The following INPP5A variants were observed in gnomAD, a reference collection of about 807,000 sequenced individuals.
INPP5A encodes 43 kDa inositol polyphosphate 5-phophatase.
Under a neutral mutation model 65.2 loss-of-function variants are expected in INPP5A, and 14 were observed. The ratio of observed to expected loss-of-function variants is 0.21; its 90% CI spans 0.14 to 0.34. INPP5A has a LOEUF of 0.34. Among genes scored for constraint, INPP5A ranks in the 10% least tolerant of loss-of-function variants. The pLI is 1.00. For missense variants in INPP5A, 431 were observed against 545.6 expected, an observed-to-expected ratio of 0.79 and a Z score of 2.09; for synonymous variants, 207 against 208.3, an observed-to-expected ratio of 0.99 and a Z score of 0.05.
chr10:132,766,530 G>C (rs915979154), intron 12 of INPP5A, among the ~76,000 whole-genome samples: 2 of 152,208 alleles, frequency 1.3e-5, no homozygotes, highest in African/African-American at 4.8e-5. Flanking sequence ...GCAGATGTGC[G>C]TGGGGCGTGC....
intron 4 of INPP5A, among the ~76,000 whole-genome samples, chr10:132,673,945 G>A (rs118154023): frequency 0.015 from 2,253 of 152,348 alleles, 34 homozygotes; most frequent in South Asian, 0.039. Context: ...GCCTTGGTGA[G>A]CGGAAGCTCA....
Position 132,637,463 on chromosome 10 carries a change from G to A in INPP5A, c.118-8405G>A, listed in dbSNP as rs2072371157. ...TCCTGGGTTATAGTTTTAAATGTTA[G>A]GTGTTTCGGGTGTCCTTTGGGTCCC... is the stretch of plus-strand genomic sequence containing the variant. On this transcript the variant is annotated intron_variant, in intron 2 of 15. Transcript: ENST00000368594. The surrounding 1 kb of genome is among the most constrained non-coding windows in gnomAD (Gnocchi z 4.1). Among the ~76,000 whole-genome samples, 1 of 152,012 alleles carries A rather than the reference G, an allele frequency of 6.6e-6. No homozygotes were observed. The highest frequency in any genetic ancestry group is 1.5e-5 in the Non-Finnish European group (1 of 68,006).
chr10:132,685,735 C>T (rs919646547), intron 4 of INPP5A, among the ~76,000 whole-genome samples: 67 of 152,332 alleles, frequency 4.4e-4, no homozygotes, highest in South Asian at 2.1e-4. Flanking sequence ...TCAACAAACA[C>T]GGGCTTTGTG....
intron 1 of INPP5A, among the ~76,000 whole-genome samples, chr10:132,602,429 G>A (rs188057694): frequency 3.4e-4 from 51 of 152,204 alleles, no homozygotes; most frequent in African/African-American, 1.2e-3. Flanking sequence ...GAGTAGCTGG[G>A]ACCACAGGCA....
intron 1 of INPP5A, among the ~76,000 whole-genome samples, chr10:132,600,413 T>C (rs1363060058): frequency 6.6e-6 from 1 of 152,220 alleles, no homozygotes; most frequent in Non-Finnish European, 1.5e-5. Context: ...TCCTCATCTC[T>C]ATCTGAGACC....
chr10:132,566,167 T>C (rs936367309), intron 1 of INPP5A, among the ~76,000 whole-genome samples: 6 of 152,060 alleles, frequency 3.9e-5, no homozygotes, highest in Non-Finnish European at 8.8e-5. Context: ...TTGAAAAAAT[T>C]GGTATGTATG....
intron 4 of INPP5A, among the ~76,000 whole-genome samples, chr10:132,673,629 T>C (rs1458734078): frequency 6.6e-6 from 1 of 152,174 alleles, no homozygotes; most frequent in Non-Finnish European, 1.5e-5. Flanking sequence ...AGCCATAAAG[T>C]GAGTGCCTTG....
At chr10:132,579,851 C>T (rs1336175551) in intron 1 of INPP5A, among the ~76,000 whole-genome samples, 8 of 151,902 alleles carry the variant, frequency 5.3e-5, no homozygotes, top group Non-Finnish European at 5.9e-5. Flanking sequence ...CTCTCCGTGG[C>T]GCCTGGTTCT....
At chr10:132,715,492 A>C (rs1458414269) in intron 8 of INPP5A, among the ~76,000 whole-genome samples, 1 of 152,262 alleles carries the variant, frequency 6.6e-6, no homozygotes, top group African/African-American at 2.4e-5. Flanking sequence ...TCTTCTGAAC[A>C]ATTCCAAGCA....
chr10:132,667,354 TAA>T (rs1209709124), intron 4 of INPP5A, among the ~76,000 whole-genome samples: 10 of 152,258 alleles, frequency 6.6e-5, no homozygotes, highest in African/African-American at 1.7e-4. Context: ...GTTCTGGAGT[TAA>T]GTGTGTTTTT....
chr10:132,589,566 G>C (rs2071591045), intron 1 of INPP5A, among the ~76,000 whole-genome samples: 1 of 152,260 alleles, frequency 6.6e-6, no homozygotes, highest in South Asian at 2.1e-4. Context: ...TCCTGCCTTG[G>C]GAAGCCTTCT....
chr10:132,729,080 C>T (rs1490010010), intron 9 of INPP5A, among the ~76,000 whole-genome samples: 13 of 152,052 alleles, frequency 8.5e-5, no homozygotes, highest in African/African-American at 1.9e-4. Context: ...TCTCAGCAGG[C>T]GTGGGGGGCC....
intron 12 of INPP5A, among the ~76,000 whole-genome samples, chr10:132,768,035 C>T (rs1193157353): frequency 1.4e-5 from 2 of 145,110 alleles, no homozygotes; most frequent in Non-Finnish European, 3.0e-5. Context: ...TCCGTGGACC[C>T]TGACCCTCAG....
At chr10:132,701,530 C>T (rs1046345934) in intron 6 of INPP5A, among the ~76,000 whole-genome samples, 2 of 152,234 alleles carry the variant, frequency 1.3e-5, no homozygotes, top group Non-Finnish European at 2.9e-5. Flanking sequence ...CCAGAAGCTT[C>T]TGGGGTCTTC....
Position 132,644,904 on chromosome 10 carries a change from A to G in INPP5A, c.118-964A>G, listed in dbSNP as rs1385777602. ...CGTGTCCTGGCCTGTCAGGACTCCC[A>G]TGAGTGGCGAGGTGTGCGGTGTGGG... On this transcript the variant is annotated intron_variant, in intron 2 of 15. Coordinates refer to ENST00000368594, the MANE Select transcript of INPP5A (RefSeq NM_005539.5). The surrounding 1 kb of genome is among the most constrained non-coding windows in gnomAD (Gnocchi z 6.5). Among the ~76,000 whole-genome samples the G allele has an allele frequency of 2.0e-5, 3 of 152,078 alleles. No individual in the cohort carries two copies. The highest frequency in any genetic ancestry group is 4.1e-4 in the South Asian group (2 of 4,822).
chr10:132,770,453 T>C (rs1476517326), intron 12 of INPP5A, among the ~76,000 whole-genome samples: 2 of 152,246 alleles, frequency 1.3e-5, no homozygotes, highest in African/African-American at 2.4e-5. Context: ...AATTGTCACG[T>C]CCATTGCCTG....
At chr10:132,752,390 C>G (rs1308666896) in intron 11 of INPP5A, among the ~76,000 whole-genome samples, 1 of 148,252 alleles carries the variant, frequency 6.7e-6, no homozygotes, top group South Asian at 2.2e-4. Context: ...GGACAGTTCC[C>G]AGCCGGGGCT....
At chr10:132,565,232 C>T (rs2071257570) in intron 1 of INPP5A, among the ~76,000 whole-genome samples, 1 of 152,186 alleles carries the variant, frequency 6.6e-6, no homozygotes, top group Non-Finnish European at 1.5e-5. Context: ...GCCTCAGTCT[C>T]CCTGAGTGCT....
At chr10:132,685,043 C>G (rs976252593) in intron 4 of INPP5A, among the ~76,000 whole-genome samples, 2 of 152,120 alleles carry the variant, frequency 1.3e-5, no homozygotes, top group African/African-American at 4.8e-5. Context: ...TCTTTCTGCT[C>G]CTAGATTTAT....
Sources: gnomAD v4.1 joint callset for allele counts (sites outside exome capture counted in the v4.1 genomes callset) on GRCh38, gnomAD v4.1.1 for gene constraint, Gnocchi (gnomAD v3.1) non-coding constraint, MANE v1.5 for transcripts, NCBI Gene and HGNC (gene_info 2026-07-23, HGNC 2026-07-21) for gene names.